UBE2R2: variants seen among roughly 807,000 people sequenced by gnomAD.
UBE2R2 encodes the protein ubiquitin-conjugating enzyme E2 R2.
In UBE2R2, 1 loss-of-function variant was observed where a neutral mutation model predicts 27.8. The ratio of observed to expected loss-of-function variants is 0.04; its 90% confidence interval spans 0.01 to 0.17. The LOEUF is 0.17. UBE2R2 is among the 10% of genes least tolerant of loss of function. The pLI is 1.00. For missense variants in UBE2R2, 100 were observed against 291.0 expected (o/e 0.34, Z 4.78); for synonymous variants, 106 against 113.3 (o/e 0.94, Z 0.41).
At chr9:33,860,936 GTTTT>G (rs556082951) in intron 1 of UBE2R2, among the ~76,000 whole-genome samples, 12 of 109,776 alleles carry the variant, frequency 1.1e-4, no homozygotes, top group African/African-American at 4.2e-4. Flanking sequence ...CCTGTGTTAA[GTTTT>G]TTTTTGTTTG....
intron 1 of UBE2R2, among the ~76,000 whole-genome samples, chr9:33,837,593 T>C (rs1356613972): frequency 6.6e-6 from 1 of 152,014 alleles, no homozygotes; most frequent in South Asian, 2.1e-4. Context: ...ACCCAGCTAA[T>C]TTTTATATTT....
chr9:33,888,659 G>C (rs1821916778), intron 2 of UBE2R2, among the ~76,000 whole-genome samples: 3 of 152,196 alleles, frequency 2.0e-5, no homozygotes, highest in Admixed American at 2.0e-4. Context: ...TGGGACTACA[G>C]GTGTGCACGA....
chr9:33,867,456 T>C (rs1821389789), intron 1 of UBE2R2, among the ~76,000 whole-genome samples: 1 of 152,196 alleles, frequency 6.6e-6, no homozygotes, highest in Non-Finnish European at 1.5e-5. Context: ...TTTTGAACCT[T>C]AGGCTACATA....
chr9:33,818,069 C>G, intron 1 of UBE2R2, 135 bp downstream of exon 1: 1 of 1,039,974 alleles, frequency 9.6e-7, no homozygotes, highest in Non-Finnish European at 1.3e-6. Context: ...AGCCCCCTCC[C>G]CCATCCCTGG....
In UBE2R2 at chr9:33,817,274, C is replaced by A. The variant is rs369142877; in HGVS notation, c.-484C>A. On this transcript the variant is annotated 5_prime_UTR_variant, in exon 1 of 5. Coordinates refer to ENST00000263228, the MANE Select transcript of UBE2R2 (RefSeq NM_017811.4). The stretch of plus-strand genomic sequence containing the variant: ...CCACCGCCGCGAGACCCCCGCACGC[C>A]GCTCTCCCCCCACCCTCTCCTGCCC... Among the ~76,000 whole-genome samples, 672 of 148,678 alleles carry A rather than the reference C, an allele frequency of 4.5e-3. 11 individuals carry two copies. Among genetic ancestry groups the A allele is most frequent in the East Asian group, 0.029 (141 of 4,880 alleles).
At chr9:33,882,506 A>G (rs912670680) in intron 1 of UBE2R2, among the ~76,000 whole-genome samples, 22 of 152,022 alleles carry the variant, frequency 1.4e-4, no homozygotes, top group Non-Finnish European at 2.8e-4. Context: ...GCTGGTCTTG[A>G]ACTCCTGACC....
At chr9:33,832,509 T>C (rs1324926203) in intron 1 of UBE2R2, among the ~76,000 whole-genome samples, 1 of 151,732 alleles carries the variant, frequency 6.6e-6, no homozygotes, top group Admixed American at 6.6e-5. Context: ...ACAAAAAAAT[T>C]AGCTGCGCTT....
intron 1 of UBE2R2, among the ~76,000 whole-genome samples, chr9:33,885,022 T>G (rs1027497678): frequency 6.6e-6 from 1 of 152,218 alleles, no homozygotes; most frequent in African/African-American, 2.4e-5. Flanking sequence ...AGGTAATGAT[T>G]GAACAGAGAT....
chr9:33,883,654 G>C (rs569753660), intron 1 of UBE2R2, among the ~76,000 whole-genome samples: 13 of 148,086 alleles, frequency 8.8e-5, no homozygotes, highest in African/African-American at 3.0e-4. Context: ...GGTGGAGGTT[G>C]CAGTGAGCCG....
At chr9:33,853,700 T>C (rs909477633) in intron 1 of UBE2R2, among the ~76,000 whole-genome samples, 2 of 152,080 alleles carry the variant, frequency 1.3e-5, no homozygotes, top group African/African-American at 4.8e-5. Context: ...AGATGATTAA[T>C]CACAGTCCTC....
At chr9:33,914,907 C>T (rs966476540) in intron 4 of UBE2R2, among the ~76,000 whole-genome samples, 17 of 151,454 alleles carry the variant, frequency 1.1e-4, no homozygotes, top group African/African-American at 3.6e-4. Context: ...GAGGCCGAGG[C>T]GGGCAGATTG....
chr9:33,872,282 A>C (rs1303922776), intron 1 of UBE2R2, among the ~76,000 whole-genome samples: 1 of 151,168 alleles, frequency 6.6e-6, no homozygotes, highest in African/African-American at 2.4e-5. Context: ...AGTTCCAGCT[A>C]TTTGGGAGGC....
intron 2 of UBE2R2, 34 bp downstream of exon 2, chr9:33,887,001 A>T (rs746321477): frequency 3.7e-6 from 5 of 1,351,036 alleles, no homozygotes; most frequent in South Asian, 1.4e-5. Context: ...TTCTCTGAAG[A>T]TTTTTTTTTT....
intron 1 of UBE2R2, among the ~76,000 whole-genome samples, chr9:33,885,942 A>G (rs971269334): frequency 5.9e-5 from 9 of 152,224 alleles, no homozygotes; most frequent in African/African-American, 2.2e-4. Context: ...CCAAATGCCC[A>G]AAATAAGGAA....
chr9:33,878,736 A>G (rs969466072), intron 1 of UBE2R2, among the ~76,000 whole-genome samples: 2 of 152,188 alleles, frequency 1.3e-5, no homozygotes, highest in Admixed American at 1.3e-4. Context: ...TAGAGATTTT[A>G]TAGGATAGTG....
At chr9:33,825,916 G>T (rs1820305895) in intron 1 of UBE2R2, among the ~76,000 whole-genome samples, 1 of 152,140 alleles carries the variant, frequency 6.6e-6, no homozygotes, top group African/African-American at 2.4e-5. Context: ...GCGGAGGTGG[G>T]CAGATCACTT....
chr9:33,877,823 G>GTCTGTCTGTCTGTCTGTCTC, intron 1 of UBE2R2, among the ~76,000 whole-genome samples: 32 of 131,124 alleles, frequency 2.4e-4, no homozygotes, highest in African/African-American at 1.0e-3. Flanking sequence ...CTGTCTGTCT[G>GTCTGTCTGTCTGTCTGTCTC]TCTCTCTCTC....
rs1822699736 is a variant in UBE2R2 at position 33,918,111 on chromosome 9, T to C, written c.*874T>C. On this transcript the variant is annotated 3_prime_UTR_variant, in exon 5 of 5. Coordinates refer to ENST00000263228, the MANE Select transcript of UBE2R2 (RefSeq NM_017811.4). The stretch of plus-strand genomic sequence containing the variant: ...AAGAGTTAAAAATCACTATGCTAAG[T>C]TTGGTTGATGCTACTGGGGGGAAAA... 1 of 153,276 alleles carries C rather than the reference T, an allele frequency of 6.5e-6. No individual in the cohort carries two copies. Among genetic ancestry groups the C allele is most frequent in the African/African-American group, 2.4e-5 (1 of 41,382 alleles). 9.5% of individuals were successfully genotyped at this position (153,276 alleles called of 1,614,324 possible). A position where few individuals can be genotyped will look rare whatever the true frequency, so the allele number is the denominator to read the frequency against.
chr9:33,871,245 A>G (rs959817507), intron 1 of UBE2R2, among the ~76,000 whole-genome samples: 6 of 152,198 alleles, frequency 3.9e-5, no homozygotes, highest in African/African-American at 1.4e-4. Flanking sequence ...AGTGTTCTAA[A>G]TATGTTTATT....
Sources: gnomAD v4.1 joint callset for allele counts (sites outside exome capture counted in the v4.1 genomes callset) on GRCh38, gnomAD v4.1.1 for gene constraint, MANE v1.5 for transcripts, NCBI Gene and HGNC (gene_info 2026-07-23, HGNC 2026-07-21) for gene names.